Variants in PDIA2 observed in about 807,000 individuals in gnomAD.
PDIA2 encodes the protein protein disulfide isomerase family A member 2, also known as protein disulfide-isomerase A2.
In PDIA2, 76 loss-of-function variants were observed where a neutral mutation model predicts 51.1. That is an observed-to-expected ratio of 1.49 (90% CI 1.24 to 1.80). PDIA2 has a LOEUF of 1.80. Ranked by LOEUF, PDIA2 falls within the 40% of genes most tolerant of loss-of-function variation. The pLI is 0.00. For missense variants in PDIA2, 946 were observed against 706.5 expected, an observed-to-expected ratio of 1.34 and a Z score of -3.84; for synonymous variants, 429 against 309.9, an observed-to-expected ratio of 1.38 and a Z score of -4.04.
chr16:284,120 T>A (rs1025490372), intron 1 of PDIA2: 61 of 542,372 alleles, frequency 1.1e-4, no homozygotes, highest in South Asian at 7.5e-4. Context: ...TGCCCGCCTC[T>A]GCCTCCCAAA....
chr16:286,570 C>T lies in PDIA2; in HGVS notation c.1257C>T (p.Thr419=). ...VFVKFYAPWC[T]HCKEMAPAWE... ...CCATCCTAGATGCCCCGTGGTGCAC[C>T]CACTGCAAGGAGATGGCCCCTGCCT... Residue 419 remains threonine (T), a synonymous_variant, in exon 9 of 11, where the codon ACC becomes ACT. Coordinates refer to ENST00000219406, the MANE Select transcript of PDIA2 (RefSeq NM_006849.4). 6.2e-7 allele frequency: 1 copy of T among 1,612,884 alleles called. No individual in the cohort carries two copies. The highest frequency in any genetic ancestry group is 2.2e-5 in the East Asian group (1 of 44,806).
In PDIA2 at chr16:285,163, C is replaced by T. The variant is rs1295126998; in HGVS notation, c.758C>T (p.Thr253Ile). The T allele has an allele frequency of 3.1e-6, 5 of 1,612,794 alleles. No individual in the cohort carries two copies. In the Admixed American group the frequency reaches 5.0e-5, roughly 16 times the overall value. The change falls in exon 5 of 11, where the codon ACA becomes ATA. Residue 253 changes from threonine (T) to isoleucine (I), a missense_variant. Physicochemically the swap from Thr to Ile is moderately conservative, Grantham distance 89. Coordinates refer to ENST00000219406, the MANE Select transcript of PDIA2 (RefSeq NM_006849.4). ...DLGDLSRFLV[T>I]HSMRLVTEFN... ...GGGGATCTGTCGCGCTTCCTGGTCACACACAGCATGCGCCTGGTCACGGAG... is the reference window on the plus strand; with the variant it reads ...GGGGATCTGTCGCGCTTCCTGGTCATACACAGCATGCGCCTGGTCACGGAG...
chr16:285,708 G>C lies in PDIA2; in HGVS notation c.1119+5G>C, dbSNP rs45574340. The C allele has an allele frequency of 1.9e-6, 3 of 1,611,392 alleles. No homozygotes were observed. The highest frequency in any genetic ancestry group is 2.5e-6 in the Non-Finnish European group (3 of 1,179,254). ...GTCCTCAACGGCCAAGTCAAGGTCC[G>C]CTGCAGACTGCTCATAATGGAAGGG... On this transcript the variant is annotated splice_donor_5th_base_variant and intron_variant, in intron 7 of 10. Coordinates refer to ENST00000219406, the MANE Select transcript of PDIA2 (RefSeq NM_006849.4).
At position 284,596 on chromosome 16, in the gene PDIA2, G is replaced by A. The variant is rs1054276905; in HGVS notation, c.406+3G>A. 6.2e-7 allele frequency: 1 copy of A among 1,610,440 alleles called. No homozygotes were observed. Among genetic ancestry groups the A allele is most frequent in the Non-Finnish European group, 8.5e-7 (1 of 1,179,526 alleles). Reference sequence around the variant, plus strand: ...CACGCACCCGGAGGAGTACACAGGTGAGGGGCAGGCCGGTCATTGGGGGGG... The same window carrying A: ...CACGCACCCGGAGGAGTACACAGGTAAGGGGCAGGCCGGTCATTGGGGGGG... On this transcript the variant is annotated splice_donor_region_variant and intron_variant, in intron 2 of 10. Transcript: ENST00000219406.
At position 285,509 on chromosome 16, in the gene PDIA2, C is replaced by T; in HGVS notation, c.925C>T (p.Leu309=). 1 of 1,612,868 alleles carries T rather than the reference C, an allele frequency of 6.2e-7. No individual in the cohort carries two copies. ...CAGCATGGACTCCCTGCCACAGGTG[C>T]TGTTCGTGGTGGTGGACGTGGCGGC... is the stretch of plus-strand genomic sequence containing the variant. ...EAAPRFRGQV[L]FVVVDVAADN... Residue 309 remains leucine, a synonymous_variant, in exon 7 of 11, where the codon CTG becomes TTG. Coordinates refer to ENST00000219406, the MANE Select transcript of PDIA2 (RefSeq NM_006849.4).
chr16:285,737 C>T (rs1238907107), intron 7 of PDIA2, 34 bp downstream of exon 7: 2 of 1,598,332 alleles, frequency 1.3e-6, no homozygotes, highest in East Asian at 2.3e-5. Flanking sequence ...GGAAGGGGAA[C>T]CCTGACCTCA....
chr16:286,141 A>C (rs1408124274), intron 7 of PDIA2, among the ~76,000 whole-genome samples: 1 of 58,018 alleles, frequency 1.7e-5, no homozygotes, highest in Non-Finnish European at 3.2e-5. Flanking sequence ...CCCAAACTTG[A>C]AGAGGACCTC....
Position 285,122 on chromosome 16 carries a change from G to A in PDIA2, c.717G>A (p.Glu239=), listed in dbSNP as rs370007425. Residue 239 remains glutamate (E), a synonymous_variant, in exon 5 of 11, where the codon GAG becomes GAA. Transcript: ENST00000219406. ...GGGCAGACTTCCCCGTGGACGAGGA[G>A]CTTGGCCTGGACCTGGGGGATCTGT... is the stretch of plus-strand genomic sequence containing the variant. ...EGRADFPVDE[E]LGLDLGDLSR... 1 of 1,613,070 alleles carries A rather than the reference G, an allele frequency of 6.2e-7. No individual in the cohort carries two copies. The highest frequency in any genetic ancestry group is 8.5e-7 in the Non-Finnish European group (1 of 1,180,004).
rs1048786 is a variant in PDIA2, at chr16:286,916, C to T, written c.1504C>T (p.Pro502Ser). Reference sequence around the variant, plus strand: ...CGGGGGCGTGCTGCCCACGGAGGAGCCCCCGGAGGAGCCAGCAGCCCCGTT... The same window carrying T: ...CGGGGGCGTGCTGCCCACGGAGGAGTCCCCGGAGGAGCCAGCAGCCCCGTT... ...DNGGVLPTEE[P>S]PEEPAAPFPE... Residue 502 changes from proline to serine, a missense_variant, in exon 10 of 11, where the codon CCC becomes TCC. Coordinates refer to ENST00000219406, the MANE Select transcript of PDIA2 (RefSeq NM_006849.4). The T allele has an allele frequency of 0.16, 250,605 of 1,597,558 alleles. 20,332 individuals are homozygous for T. The highest frequency in any genetic ancestry group is 0.2 in the South Asian group (17,723 of 89,608).
In PDIA2 at chr16:283,216, C is replaced by G; in HGVS notation, c.47C>G (p.Ala16Gly). 1 of 1,607,504 alleles carries G rather than the reference C, an allele frequency of 6.2e-7. No homozygotes were observed. The highest frequency in any genetic ancestry group is 8.5e-7 in the Non-Finnish European group (1 of 1,177,454). ...LPVLLLLLLR[A>G]SCPWGQEQGA... ...GTACTGCTGCTGCTGCTGCTCAGGGCTTCGTGCCCATGGGGTCAGGAACAG... is the reference window on the plus strand; with the variant it reads ...GTACTGCTGCTGCTGCTGCTCAGGGGTTCGTGCCCATGGGGTCAGGAACAG... Residue 16 changes from alanine (A) to glycine (G), a missense_variant, in exon 1 of 11, where the codon GCT (alanine) becomes GGT (glycine). Transcript: ENST00000219406.
intron 1 of PDIA2, 97 bp downstream of exon 1, chr16:283,465 C>T (rs1447132636): frequency 2.4e-6 from 3 of 1,272,138 alleles, no homozygotes; most frequent in East Asian, 5.2e-5. Flanking sequence ...GGCATGTGCC[C>T]AAGAGGGGCC....
At chr16:283,998 G>A (rs2052320066) in intron 1 of PDIA2, among the ~76,000 whole-genome samples, 1 of 152,210 alleles carries the variant, frequency 6.6e-6, no homozygotes, top group Non-Finnish European at 1.5e-5. Flanking sequence ...CCGAGTAGCT[G>A]GGATTATAGG....
At chr16:284,108 T>C (rs527546823) in intron 1 of PDIA2, 250 of 515,880 alleles carry the variant, frequency 4.8e-4, no homozygotes, top group Non-Finnish European at 4.5e-4. Flanking sequence ...CCTCAGGTGA[T>C]ATGCCCGCCT....
At chr16:283,908 A>G (rs377752320) in intron 1 of PDIA2, among the ~76,000 whole-genome samples, 2 of 152,314 alleles carry the variant, frequency 1.3e-5, no homozygotes, top group East Asian at 3.9e-4. Context: ...TTTGTCGCCC[A>G]GGCTGGAGTG....
intron 7 of PDIA2, 27 bp downstream of exon 7, chr16:285,730 A>AGG (rs897622022): frequency 6.2e-7 from 1 of 1,605,046 alleles, no homozygotes; most frequent in African/African-American, 1.3e-5. Context: ...TCATAATGGA[A>AGG]GGGGAACCCT....
intron 4 of PDIA2, 33 bp downstream of exon 4, chr16:285,048 G>C: frequency 6.2e-7 from 1 of 1,613,172 alleles, no homozygotes; most frequent in African/African-American, 1.3e-5. Flanking sequence ...TTGGGGTCCG[G>C]CTGCAGCGCC....
chr16:286,994 A>C, intron 10 of PDIA2, 49 bp downstream of exon 10: 1 of 1,611,552 alleles, frequency 6.2e-7, no homozygotes, highest in South Asian at 1.1e-5. Flanking sequence ...AATCCTCTTT[A>C]CACAGGGCTG....
Position 286,816 on chromosome 16 carries a change from T to A in PDIA2, c.1423-19T>A. The A allele has an allele frequency of 6.2e-7, 1 of 1,611,006 alleles. No homozygotes were observed. Among genetic ancestry groups the A allele is most frequent in the Non-Finnish European group, 8.5e-7 (1 of 1,179,134 alleles). On this transcript the variant is annotated intron_variant, in intron 9 of 10. Coordinates refer to ENST00000219406, the MANE Select transcript of PDIA2 (RefSeq NM_006849.4). ...GGCTGGGCCCCACGTGTCCTCCAGA[T>A]CCCCCTGCCTCTTCTCAGGTGATTG...
Position 286,423 on chromosome 16 carries a change from A to C in PDIA2, c.1190A>C (p.Asn397Thr). ...CCAGTTAAGACCCTCGTGGGCAAGA[A>C]TTTTGAGCAGGTGGCTTTTGACGAA... ...QRPVKTLVGK[N>T]FEQVAFDETK... Residue 397 changes from asparagine to threonine, a missense_variant, in exon 8 of 11, where the codon AAT becomes ACT. Transcript: ENST00000219406. 6.2e-7 allele frequency: 1 copy of C among 1,612,592 alleles called. No individual in the cohort carries two copies. The highest frequency in any genetic ancestry group is 1.1e-5 in the South Asian group (1 of 91,026).
Sources: allele counts gnomAD v4.1 joint callset (sites outside exome capture counted in the v4.1 genomes callset), GRCh38; gene constraint gnomAD v4.1.1; transcripts MANE v1.5; gene names NCBI Gene and HGNC (gene_info 2026-07-23, HGNC 2026-07-21).